Variants in CDH13 observed in about 807,000 individuals in gnomAD.
The protein encoded by CDH13 is cadherin-13.
CDH13 carries 24 observed loss-of-function variants against 63.8 expected under a neutral mutation model. That is an observed-to-expected ratio of 0.38 (90% CI 0.27 to 0.53). CDH13 has a LOEUF of 0.53. Among genes scored for constraint, CDH13 ranks in the 20% least tolerant of loss-of-function variants. The probability of loss-of-function intolerance (pLI) is 0.85; values close to 1 mark genes in which losing one functional copy is unlikely to be tolerated. For missense variants in CDH13, 1,049 were observed against 903.1 expected (o/e 1.16, Z -2.07); for synonymous variants, 503 against 355.3 (o/e 1.42, Z -4.67).
At chr16:83,401,636 C>T (rs2091969427) in intron 6 of CDH13, among the ~76,000 whole-genome samples, 2 of 151,594 alleles carry the variant, frequency 1.3e-5, no homozygotes, top group African/African-American at 4.9e-5. Flanking sequence ...GTGTATATAC[C>T]AGTAATATTC....
chr16:83,681,187 C>T (rs1246419117), intron 10 of CDH13, among the ~76,000 whole-genome samples: 4 of 152,060 alleles, frequency 2.6e-5, no homozygotes, highest in Admixed American at 6.5e-5. Flanking sequence ...GGCGGCTACC[C>T]GAGGAAGTGC....
intron 8 of CDH13, among the ~76,000 whole-genome samples, chr16:83,633,015 T>G (rs761268615): frequency 6.6e-6 from 1 of 152,126 alleles, no homozygotes; most frequent in Non-Finnish European, 1.5e-5. Context: ...GACATGCTAA[T>G]GTATTATAAT....
At chr16:82,986,248 G>A (rs566092984) in intron 2 of CDH13, among the ~76,000 whole-genome samples, 51 of 152,288 alleles carry the variant, frequency 3.3e-4, no homozygotes, top group African/African-American at 1.1e-3. Context: ...GTACGTCTGA[G>A]CCTGAGTAAC....
rs140571076 is a variant in CDH13 at position 82,763,912 on chromosome 16, A to G, written c.46-94450A>G. ...GGTCTTGAACTCCTGGGCTCAAGCA[A>G]TCCATCTTCCTTGGCCTCCAAAAGT... is the stretch of plus-strand genomic sequence containing the variant. On this transcript the variant is annotated intron_variant, in intron 1 of 13. Transcript: ENST00000567109. 3.6e-3 allele frequency among the ~76,000 whole-genome samples: 554 copies of G among 152,274 alleles called. 5 individuals are homozygous for G. The highest frequency in any genetic ancestry group is 0.013 in the African/African-American group (525 of 41,550).
chr16:83,068,354 C>G (rs1158392660), intron 3 of CDH13, among the ~76,000 whole-genome samples: 1 of 152,150 alleles, frequency 6.6e-6, no homozygotes, highest in African/African-American at 2.4e-5. Flanking sequence ...AACTGACTGA[C>G]TCATTGCTGC....
At chr16:83,046,567 A>T (rs1474522236) in intron 3 of CDH13, among the ~76,000 whole-genome samples, 1 of 152,206 alleles carries the variant, frequency 6.6e-6, no homozygotes, top group Admixed American at 6.5e-5. Flanking sequence ...ATCACATCTT[A>T]TAGCTCTTAG....
intron 2 of CDH13, among the ~76,000 whole-genome samples, chr16:82,956,344 A>C (rs1906097095): frequency 6.6e-6 from 1 of 150,972 alleles, no homozygotes; most frequent in Non-Finnish European, 1.5e-5. Flanking sequence ...TTTATTCCTA[A>C]TTCTAGTCTT....
intron 1 of CDH13, among the ~76,000 whole-genome samples, chr16:82,839,010 C>T (rs1031684096): frequency 6.6e-6 from 1 of 152,240 alleles, no homozygotes; most frequent in Non-Finnish European, 1.5e-5. Flanking sequence ...AGCAGACATA[C>T]ACAATAGGTA....
intron 2 of CDH13, among the ~76,000 whole-genome samples, chr16:83,024,432 A>G (rs1366886551): frequency 1.3e-5 from 2 of 152,202 alleles, no homozygotes; most frequent in African/African-American, 4.8e-5. Context: ...GTGAGTCTGG[A>G]AGCTGAATGA....
chr16:82,861,626 G>A (rs2039949486), intron 2 of CDH13, among the ~76,000 whole-genome samples: 2 of 151,868 alleles, frequency 1.3e-5, no homozygotes, highest in African/African-American at 2.4e-5. Context: ...TGTTACTAAT[G>A]GTCACCTCCA....
At chr16:83,008,570 G>A (rs374248995) in intron 2 of CDH13, among the ~76,000 whole-genome samples, 1 of 152,192 alleles carries the variant, frequency 6.6e-6, no homozygotes, top group African/African-American at 2.4e-5. Flanking sequence ...CTCCTAATTA[G>A]GTGGTTTTCA....
intron 1 of CDH13, among the ~76,000 whole-genome samples, chr16:82,648,920 A>G (rs1160216551): frequency 6.6e-6 from 1 of 152,216 alleles, no homozygotes; most frequent in Non-Finnish European, 1.5e-5. Context: ...GTCCAGCTTG[A>G]AAGCTTGTAT....
intron 7 of CDH13, among the ~76,000 whole-genome samples, chr16:83,558,870 T>C (rs2075649870): frequency 6.6e-6 from 1 of 152,200 alleles, no homozygotes; most frequent in South Asian, 2.1e-4. Context: ...ATGCGTAGTG[T>C]GCGGGTATCC....
At chr16:83,048,177 C>G (rs77815864) in intron 3 of CDH13, among the ~76,000 whole-genome samples, 8,415 of 152,084 alleles carry the variant, frequency 0.055, 722 homozygotes, top group African/African-American at 0.19. Context: ...TGATGGAGAC[C>G]AAGATATGAA....
intron 1 of CDH13, among the ~76,000 whole-genome samples, chr16:82,856,544 A>G (rs2039702838): frequency 1.3e-5 from 2 of 151,414 alleles, no homozygotes; most frequent in Admixed American, 6.6e-5. Context: ...AGTACAAAAA[A>G]TAGAAAAATT....
chr16:83,450,632 A>G (rs1179867008), intron 6 of CDH13, among the ~76,000 whole-genome samples: 3 of 152,328 alleles, frequency 2.0e-5, no homozygotes, highest in East Asian at 1.9e-4. Context: ...GCAGTTTGGG[A>G]GGCCAAGGCA....
At chr16:83,339,492 C>G (rs1283203187) in intron 5 of CDH13, among the ~76,000 whole-genome samples, 1 of 152,162 alleles carries the variant, frequency 6.6e-6, no homozygotes, top group East Asian at 1.9e-4. Context: ...CAGACACTTT[C>G]ATGTGTTATT....
chr16:83,621,833 G>A (rs898586756), intron 8 of CDH13, among the ~76,000 whole-genome samples: 1 of 151,854 alleles, frequency 6.6e-6, no homozygotes, highest in African/African-American at 2.4e-5. Context: ...TTTGTGCAAG[G>A]CCTGGATATA....
chr16:83,678,545 G>A (rs2150870958), intron 10 of CDH13, 84 bp downstream of exon 10: 2 of 1,501,020 alleles, frequency 1.3e-6, no homozygotes, highest in Non-Finnish European at 1.8e-6. Flanking sequence ...GTTGTCAGGA[G>A]CAGACACCAT....
Sources: allele counts gnomAD v4.1 joint callset (sites outside exome capture counted in the v4.1 genomes callset), GRCh38; gene constraint gnomAD v4.1.1; transcripts MANE v1.5; gene names NCBI Gene and HGNC (gene_info 2026-07-23, HGNC 2026-07-21).